The following EP400 variants were observed in gnomAD, a reference collection of about 807,000 sequenced individuals.
The protein encoded by EP400 is E1A binding protein p400.
EP400 carries 105 observed loss-of-function variants against 354.1 expected under a neutral mutation model. That is an observed-to-expected ratio of 0.30 (90% confidence interval 0.25 to 0.35). EP400 has a LOEUF of 0.35. Ranked by LOEUF, EP400 falls within the 10% of genes least tolerant of loss-of-function variation. EP400 has a pLI of 1.00. For synonymous variants in EP400, 1,646 were observed against 1,716.9 expected, an observed-to-expected ratio of 0.96 and a Z score of 1.02; for missense variants, 3,280 against 4,121.0, an observed-to-expected ratio of 0.80 and a Z score of 5.59.
chr12:131,991,474 A>G lies in EP400; in HGVS notation c.2679+18A>G. 6.2e-7 allele frequency: 1 copy of G among 1,613,416 alleles called. No individual in the cohort carries two copies. The highest frequency in any genetic ancestry group is 8.5e-7 in the Non-Finnish European group (1 of 1,179,530). On this transcript the variant is annotated intron_variant, in intron 10 of 52. Transcript: ENST00000389561. Reference sequence around the variant, plus strand: ...GTTCTCTGGTAAGTTTGGGGTTGTTACTGTGCTGTGTGAGAAGGAGTAGAA... The same window carrying G: ...GTTCTCTGGTAAGTTTGGGGTTGTTGCTGTGCTGTGTGAGAAGGAGTAGAA...
rs1295228619 is a variant in EP400 at position 132,045,714 on chromosome 12, TCTC to T, written c.7027-10_7027-8del. The T allele has an allele frequency of 1.2e-6, 2 of 1,613,734 alleles. No homozygotes were observed. Among genetic ancestry groups the T allele is most frequent in the Non-Finnish European group, 1.7e-6 (2 of 1,179,840 alleles). On this transcript the variant is annotated splice_polypyrimidine_tract_variant and intron_variant, in intron 38 of 52. Transcript: ENST00000389561. ...GTGTATTCACCTGTTTTACCTGAAA[TCTC>T]CTTCTCTAGGCTGTAAAGCAGTTAC...
intron 45 of EP400, 33 bp downstream of exon 45, chr12:132,055,241 G>C: frequency 4.8e-6 from 7 of 1,466,836 alleles, no homozygotes; most frequent in Non-Finnish European, 6.4e-6. Flanking sequence ...TGTGCACCTT[G>C]ACTGCATTCT....
chr12:132,051,684 G>A (rs1366470874), intron 41 of EP400, among the ~76,000 whole-genome samples: 3 of 152,166 alleles, frequency 2.0e-5, no homozygotes, highest in Admixed American at 2.0e-4. Flanking sequence ...AGGCAGACTA[G>A]GAGTGTGACC....
rs1894285831 is a variant in EP400 at position 132,025,815 on chromosome 12, C to T, written c.5014+11C>T. ...CCTTGACCCCACAAGGTAGGGTGCTCTGAGCAGGAGGGAGACTTGGCTTGG... is the reference window on the plus strand; with the variant it reads ...CCTTGACCCCACAAGGTAGGGTGCTTTGAGCAGGAGGGAGACTTGGCTTGG... On this transcript the variant is annotated intron_variant, in intron 25 of 52. Coordinates refer to ENST00000389561, the MANE Select transcript of EP400 (RefSeq NM_015409.5). The surrounding 1 kb of genome is among the most constrained non-coding windows in gnomAD (Gnocchi z 4.1). The T allele has an allele frequency of 1.3e-6, 2 of 1,582,272 alleles. No individual in the cohort carries two copies. Among genetic ancestry groups the T allele is most frequent in the East Asian group, 2.2e-5 (1 of 44,446 alleles).
chr12:132,046,037 T>A, intron 39 of EP400, 137 bp downstream of exon 39: 1 of 1,138,556 alleles, frequency 8.8e-7, no homozygotes, highest in Non-Finnish European at 1.2e-6. Flanking sequence ...GTCCATCTCC[T>A]TGGGCTCCTG....
intron 21 of EP400, among the ~76,000 whole-genome samples, chr12:132,019,786 C>T (rs1384387206): frequency 1.3e-5 from 2 of 152,146 alleles, no homozygotes; most frequent in Non-Finnish European, 2.9e-5. Flanking sequence ...CAGCATTCAC[C>T]CTTGTATTCC....
In EP400 at chr12:132,028,408, A is replaced by T. The variant is rs1168100424; in HGVS notation, c.5381+120A>T. 10 of 1,299,044 alleles carry T rather than the reference A, an allele frequency of 7.7e-6. No individual in the cohort carries two copies. In the East Asian group the frequency reaches 2.1e-4, roughly 27 times the overall value. 80.5% of individuals were successfully genotyped at this position (1,299,044 alleles called of 1,614,324 possible). ...TCGGCTTCTCCCCACGCTGTCCCTT[A>T]GCGGTCTGTTTTGAAGTTAGTCTTT... On this transcript the variant is annotated intron_variant, in intron 27 of 52. Coordinates refer to ENST00000389561, the MANE Select transcript of EP400 (RefSeq NM_015409.5).
Position 132,025,387 on chromosome 12 carries a change from C to T in EP400, c.4856-259C>T, listed in dbSNP as rs996536086. ...GCAGGTCCTCAGCAGCTGTGTGTCA[C>T]CCACCTTCCATGAGGGACAGAGGGT... On this transcript the variant is annotated intron_variant, in intron 24 of 52. Transcript: ENST00000389561. The surrounding 1 kb of genome is among the most constrained non-coding windows in gnomAD (Gnocchi z 4.1). Among the ~76,000 whole-genome samples, 2 of 152,188 alleles carry T rather than the reference C, an allele frequency of 1.3e-5. No individual in the cohort carries two copies. The highest frequency in any genetic ancestry group is 2.9e-5 in the Non-Finnish European group (2 of 68,040).
rs1280839812 is a variant in EP400, at chr12:131,982,347, A to G, written c.1798A>G (p.Asn600Asp). ...LQIPVKTQQP[N>D]VPIPAPPSSQ... The stretch of plus-strand genomic sequence containing the variant: ...AATCCCGGTGAAGACTCAGCAGCCC[A>G]ATGTTCCCATCCCTGCACCGCCCAG... Residue 600 changes from asparagine to aspartate, a missense_variant, in exon 5 of 53, where the codon AAT becomes GAT. Transcript: ENST00000389561. 6.2e-7 allele frequency: 1 copy of G among 1,614,028 alleles called. No homozygotes were observed. The highest frequency in any genetic ancestry group is 8.5e-7 in the Non-Finnish European group (1 of 1,179,974).
intron 12 of EP400, among the ~76,000 whole-genome samples, chr12:132,000,104 A>G (rs1055371735): frequency 6.6e-6 from 1 of 151,024 alleles, no homozygotes; most frequent in Admixed American, 6.6e-5. Context: ...CCTAATTTTC[A>G]TCAGCTCATT....
At chr12:131,989,335 G>A (rs1442666266) in intron 7 of EP400, among the ~76,000 whole-genome samples, 1 of 152,230 alleles carries the variant, frequency 6.6e-6, no homozygotes, top group African/African-American at 2.4e-5. Flanking sequence ...CTGTGTTGAC[G>A]ACAGTGAGCC....
Position 132,032,019 on chromosome 12 carries a change from A to G in EP400, c.5821A>G (p.Thr1941Ala). 1.2e-6 allele frequency: 2 copies of G among 1,614,262 alleles called. No individual in the cohort carries two copies. Among genetic ancestry groups the G allele is most frequent in the Admixed American group, 1.7e-5 (1 of 60,036 alleles). ...TGCCATTCTCTCCACTCACAGCCGT[A>G]CCACAGGTATAAACCTTGTAGAGGC... ...FCAILSTHSR[T>A]TGINLVEADT... The change falls in exon 30 of 53, where the codon ACC becomes GCC. Residue 1941 changes from threonine to alanine, a missense_variant. By Grantham distance (58) the Thr-to-Ala change is moderately conservative (BLOSUM62 0). Transcript: ENST00000389561.
intron 2 of EP400, among the ~76,000 whole-genome samples, chr12:131,971,991 T>C (rs1369213926): frequency 1.3e-5 from 2 of 152,174 alleles, no homozygotes; most frequent in Non-Finnish European, 2.9e-5. Context: ...AAAAATTCCT[T>C]GTAAGACGGA....
At chr12:132,074,309 C>T (rs1019798032) in intron 51 of EP400, among the ~76,000 whole-genome samples, 2 of 152,188 alleles carry the variant, frequency 1.3e-5, no homozygotes, top group East Asian at 1.9e-4. Flanking sequence ...GTCTGTCCAG[C>T]GTTTCTCTCT....
chr12:132,009,466 A>G (rs1328113945), intron 15 of EP400, among the ~76,000 whole-genome samples: 2 of 152,120 alleles, frequency 1.3e-5, no homozygotes, highest in African/African-American at 4.8e-5. Context: ...AGCTGGAGCA[A>G]GGTCTCAGGG....
At chr12:131,974,624 T>A (rs1892405998) in intron 2 of EP400, among the ~76,000 whole-genome samples, 1 of 152,186 alleles carries the variant, frequency 6.6e-6, no homozygotes, top group South Asian at 2.1e-4. Flanking sequence ...CAGAATTAAA[T>A]TCCCTTCAGA....
rs1480904343 is a variant in EP400, at chr12:132,027,046, G to A, written c.5015-391G>A. 6.6e-6 allele frequency among the ~76,000 whole-genome samples: 1 copy of A among 152,224 alleles called. No homozygotes were observed. The highest frequency in any genetic ancestry group is 1.5e-5 in the Non-Finnish European group (1 of 68,034). ...GCTGGGCTGCTCATGGCAGGCAAGG[G>A]CCTCACAGTCATCAGGCGGTCACCT... is the stretch of plus-strand genomic sequence containing the variant. On this transcript the variant is annotated intron_variant, in intron 25 of 52. Transcript: ENST00000389561. The surrounding 1 kb of genome is among the most constrained non-coding windows in gnomAD (Gnocchi z 4.9).
At chr12:131,991,359 C>T in intron 9 of EP400, 48 bp from the exon 10 acceptor site, 1 of 1,605,144 alleles carries the variant, frequency 6.2e-7, no homozygotes, top group Non-Finnish European at 8.5e-7. Context: ...GACGCCCTCG[C>T]CAAGCATGGG....
At chr12:131,953,247 G>A (rs1233783207) in intron 1 of EP400, among the ~76,000 whole-genome samples, 1 of 152,154 alleles carries the variant, frequency 6.6e-6, no homozygotes, top group Admixed American at 6.6e-5. Flanking sequence ...CCTTAGCGGG[G>A]CCGTGGAAAA....
Sources: gnomAD v4.1 joint callset for allele counts (sites outside exome capture counted in the v4.1 genomes callset) on GRCh38, gnomAD v4.1.1 for gene constraint, Gnocchi (gnomAD v3.1) non-coding constraint, MANE v1.5 for transcripts, NCBI Gene and HGNC (gene_info 2026-07-23, HGNC 2026-07-21) for gene names.